MIGA1: variants seen among roughly 807,000 people sequenced by gnomAD.
MIGA1 encodes the protein family with sequence similarity 73, member A.
MIGA1 carries 58 observed loss-of-function variants against 82.0 expected under a neutral mutation model. That is an observed-to-expected ratio of 0.71 (90% CI 0.57 to 0.88). MIGA1 has a LOEUF of 0.88. Ranked by LOEUF, MIGA1 falls within the 40% of genes least tolerant of loss-of-function variation. The probability of loss-of-function intolerance (pLI) is 0.00; values close to 1 mark genes in which losing one functional copy is unlikely to be tolerated. For missense variants in MIGA1, 751 were observed against 749.1 expected (o/e 1.00, Z -0.03); for synonymous variants, 249 against 253.6 (o/e 0.98, Z 0.17).
At chr1:77,784,226 T>G (rs1475829339) in intron 2 of MIGA1, among the ~76,000 whole-genome samples, 1 of 152,038 alleles carries the variant, frequency 6.6e-6, no homozygotes, top group Non-Finnish European at 1.5e-5. Context: ...TATTTATTTA[T>G]GTATTTATTT....
intron 7 of MIGA1, among the ~76,000 whole-genome samples, chr1:77,837,195 G>A (rs753419447): frequency 7.2e-5 from 11 of 152,148 alleles, no homozygotes; most frequent in African/African-American, 2.2e-4. Context: ...TTAAAGGCTC[G>A]AAAGAAACAG....
chr1:77,829,823 G>A (rs1221717283), intron 7 of MIGA1, among the ~76,000 whole-genome samples: 1 of 151,894 alleles, frequency 6.6e-6, no homozygotes, highest in African/African-American at 2.4e-5. Flanking sequence ...GTTTGGATGG[G>A]TAATTGCCTC....
intron 5 of MIGA1, chr1:77,811,775 C>T (rs905954605): frequency 1.3e-6 from 2 of 1,581,282 alleles, no homozygotes; most frequent in African/African-American, 2.7e-5. Flanking sequence ...CGGGTCACCT[C>T]CGACATGGCC....
chr1:77,870,894 C>G (rs1685953304), intron 14 of MIGA1, among the ~76,000 whole-genome samples: 1 of 136,652 alleles, frequency 7.3e-6, no homozygotes, highest in South Asian at 2.6e-4. Flanking sequence ...CCAGCCCGGC[C>G]AACACAGCAA....
At chr1:77,866,811 G>A (rs1380168737) in intron 14 of MIGA1, among the ~76,000 whole-genome samples, 1 of 150,980 alleles carries the variant, frequency 6.6e-6, no homozygotes, top group East Asian at 1.9e-4. Context: ...AGCTTCCCAA[G>A]TAGCTGGGAC....
intron 12 of MIGA1, 139 bp from the exon 13 acceptor site, chr1:77,863,755 A>G (rs1685557790): frequency 1.7e-6 from 1 of 591,382 alleles, no homozygotes; most frequent in Non-Finnish European, 2.8e-6. Context: ...TTTCATATTT[A>G]TCTCTCCTTT....
chr1:77,829,660 G>A (rs1372105256), intron 7 of MIGA1, among the ~76,000 whole-genome samples: 1 of 151,918 alleles, frequency 6.6e-6, no homozygotes. Context: ...TAGTAGAGAC[G>A]GGGTTTCACC....
At chr1:77,813,694 G>A in intron 5 of MIGA1, 40 bp from the exon 6 acceptor site, 2 of 1,600,196 alleles carry the variant, frequency 1.2e-6, no homozygotes, top group Non-Finnish European at 8.5e-7. Context: ...TTTTGGCATT[G>A]ATTTTGCTCA....
At chr1:77,805,465 T>TC (rs1207167477) in intron 4 of MIGA1, among the ~76,000 whole-genome samples, 43 of 150,062 alleles carry the variant, frequency 2.9e-4, no homozygotes, top group Non-Finnish European at 5.6e-4. Flanking sequence ...CCTATTCTTT[T>TC]TTTTTTTTTT....
At chr1:77,846,929 A>G (rs1684865422) in intron 8 of MIGA1, among the ~76,000 whole-genome samples, 1 of 152,174 alleles carries the variant, frequency 6.6e-6, no homozygotes, top group Non-Finnish European at 1.5e-5. Context: ...CCTGGGCAAC[A>G]GCGAGACTGT....
At chr1:77,796,365 G>A (rs544229700) in intron 2 of MIGA1, among the ~76,000 whole-genome samples, 3 of 151,598 alleles carry the variant, frequency 2.0e-5, no homozygotes, top group Non-Finnish European at 4.4e-5. Flanking sequence ...TGATCCACCC[G>A]CCTTGGCCTC....
intron 8 of MIGA1, among the ~76,000 whole-genome samples, chr1:77,849,215 G>A (rs889526074): frequency 6.6e-6 from 1 of 152,096 alleles, no homozygotes; most frequent in Non-Finnish European, 1.5e-5. Context: ...GCCTATGCAA[G>A]ATAACGAGAC....
intron 8 of MIGA1, chr1:77,848,547 C>G: frequency 7.6e-7 from 1 of 1,316,626 alleles, no homozygotes; most frequent in Non-Finnish European, 1.1e-6. Flanking sequence ...AAAGATCCAA[C>G]AAAATGAGAA....
intron 8 of MIGA1, among the ~76,000 whole-genome samples, chr1:77,846,906 C>T (rs568731326): frequency 6.6e-6 from 1 of 152,114 alleles, no homozygotes; most frequent in South Asian, 2.1e-4. Flanking sequence ...GAGATTGCGC[C>T]ACTGCACTCC....
intron 8 of MIGA1, chr1:77,848,742 C>G: frequency 6.8e-7 from 1 of 1,463,600 alleles, no homozygotes; most frequent in South Asian, 1.2e-5. Flanking sequence ...GAGACAGGTA[C>G]TTGGCCAGGC....
At position 77,875,359 on chromosome 1, in the gene MIGA1, G is replaced by T. The variant is rs999998125; in HGVS notation, c.*295G>T. ...GAAGCCAATATTTGGGAGTTAATTG[G>T]TTTGTCTTCTTGAAGCTGTCATTCT... On this transcript the variant is annotated 3_prime_UTR_variant, in exon 16 of 16. Coordinates refer to ENST00000370791, the MANE Select transcript of MIGA1 (RefSeq NM_198549.4). 4 of 272,990 alleles carry T rather than the reference G, an allele frequency of 1.5e-5. No individual in the cohort carries two copies. Among genetic ancestry groups the T allele is most frequent in the African/African-American group, 9.0e-5 (4 of 44,632 alleles). 16.9% of individuals were successfully genotyped at this position (272,990 alleles called of 1,614,324 possible). A position where few individuals can be genotyped will look rare whatever the true frequency, so the allele number is the denominator to read the frequency against.
intron 5 of MIGA1, chr1:77,811,339 A>G (rs1362712792): frequency 9.3e-6 from 15 of 1,606,756 alleles, no homozygotes; most frequent in East Asian, 4.5e-5. Context: ...TCTAGCAGGA[A>G]AAGAATCAGG....
chr1:77,852,031 T>C (rs1006636625), intron 8 of MIGA1, among the ~76,000 whole-genome samples: 1 of 151,938 alleles, frequency 6.6e-6, no homozygotes, highest in Admixed American at 6.6e-5. Flanking sequence ...ATTACAGGCA[T>C]GTGCCACCAT....
intron 7 of MIGA1, among the ~76,000 whole-genome samples, chr1:77,837,992 G>A (rs1398395722): frequency 6.6e-6 from 1 of 152,130 alleles, no homozygotes; most frequent in Non-Finnish European, 1.5e-5. Context: ...ATGATTTACA[G>A]CATCATTGGC....
Sources: gnomAD v4.1 joint callset for allele counts (sites outside exome capture counted in the v4.1 genomes callset) on GRCh38, gnomAD v4.1.1 for gene constraint, MANE v1.5 for transcripts, NCBI Gene and HGNC (gene_info 2026-07-23, HGNC 2026-07-21) for gene names.